LRP1B: variants seen among roughly 807,000 people sequenced by gnomAD.
The protein encoded by LRP1B is LDL receptor related protein 1B.
A neutral mutation model predicts 556.6 loss-of-function variants in LRP1B; 217 were observed. The ratio of observed to expected loss-of-function variants is 0.39; its 90% CI spans 0.35 to 0.44. LRP1B has a LOEUF of 0.44. LRP1B is among the 20% of genes least tolerant of loss of function. The pLI is 1.00. For missense variants in LRP1B, 5,053 were observed against 5,620.8 expected (o/e 0.90, Z 3.23); for synonymous variants, 2,047 against 1,865.8 (o/e 1.10, Z -2.50).
intron 1 of LRP1B, among the ~76,000 whole-genome samples, chr2:142,077,887 A>G (rs1705567022): frequency 6.6e-6 from 1 of 152,160 alleles, no homozygotes; most frequent in South Asian, 2.1e-4. Context: ...ATGTTTGCCC[A>G]AAGCCCCTTT....
chr2:141,888,946 A>T (rs1699203611), intron 1 of LRP1B, among the ~76,000 whole-genome samples: 1 of 152,164 alleles, frequency 6.6e-6, no homozygotes, highest in Admixed American at 6.6e-5. Context: ...GAACTTAAGC[A>T]TTTAACTGGA....
chr2:140,642,056 T>C (rs775188041), intron 41 of LRP1B, among the ~76,000 whole-genome samples: 8 of 151,808 alleles, frequency 5.3e-5, no homozygotes, highest in Non-Finnish European at 1.0e-4. Flanking sequence ...ACAAGGGAGG[T>C]GAGTGACCTG....
At chr2:141,554,531 A>G (rs1012581946) in intron 2 of LRP1B, among the ~76,000 whole-genome samples, 2 of 151,754 alleles carry the variant, frequency 1.3e-5, no homozygotes, top group Non-Finnish European at 1.5e-5. Context: ...ATAACTTTAT[A>G]CCACTCATAT....
Position 140,733,211 on chromosome 2 carries a change from T to G in LRP1B, c.5759-16395A>C, listed in dbSNP as rs559183884. Among the ~76,000 whole-genome samples, 179 of 152,242 alleles carry G rather than the reference T, an allele frequency of 1.2e-3. 1 individual carries two copies. The highest frequency in any genetic ancestry group is 4.2e-3 in the African/African-American group (174 of 41,576). Reference sequence around the variant, plus strand: ...CTGCAATCTTCCCTCCAACTTAAATTTAGTCAATGTATAGTACGAATAACC... The same window carrying G: ...CTGCAATCTTCCCTCCAACTTAAATGTAGTCAATGTATAGTACGAATAACC... On this transcript the variant is annotated intron_variant, in intron 35 of 90. Coordinates refer to ENST00000389484, the MANE Select transcript of LRP1B (RefSeq NM_018557.3).
chr2:141,924,143 T>C (rs962278760), intron 1 of LRP1B, among the ~76,000 whole-genome samples: 2 of 151,746 alleles, frequency 1.3e-5, no homozygotes, highest in Non-Finnish European at 2.9e-5. Context: ...CCCGTACCCA[T>C]ATAACCTCGA....
intron 1 of LRP1B, among the ~76,000 whole-genome samples, chr2:141,944,376 C>G (rs1003712379): frequency 6.6e-6 from 1 of 152,176 alleles, no homozygotes; most frequent in Non-Finnish European, 1.5e-5. Context: ...CTTGACAATA[C>G]TACCTTCCCT....
At chr2:140,452,724 C>G (rs1158543960) in intron 62 of LRP1B, among the ~76,000 whole-genome samples, 2 of 152,086 alleles carry the variant, frequency 1.3e-5, no homozygotes, top group African/African-American at 4.8e-5. Flanking sequence ...ATTTAGAATA[C>G]TGTTACTTTC....
chr2:141,800,583 T>TG (rs1390890529), intron 2 of LRP1B, among the ~76,000 whole-genome samples: 4 of 152,234 alleles, frequency 2.6e-5, no homozygotes, highest in Admixed American at 2.6e-4. Context: ...CCTGACACTC[T>TG]GCTCAGGGTT....
chr2:140,444,424 T>G lies in LRP1B; in HGVS notation c.10200A>C (p.Gln3400His). The change falls in exon 65 of 91, where the codon CAA becomes CAC. Residue 3400 changes from glutamine (Q) to histidine (H), a missense_variant. Gln to His is a conservative substitution (Grantham distance 24, BLOSUM62 0). Transcript: ENST00000389484. ...ATTTCTGGTTCTTGGTACATTTGAA[T>G]TGACCTGACAGGCAGACATGTGTGT... Reference protein sequence around the residue: ...NCDTHVCLSGQFKCTKNQKCI... With the variant: ...NCDTHVCLSGHFKCTKNQKCI... 6.2e-7 allele frequency: 1 copy of G among 1,613,966 alleles called. No homozygotes were observed. The highest frequency in any genetic ancestry group is 8.5e-7 in the Non-Finnish European group (1 of 1,179,918).
intron 88 of LRP1B, 82 bp from the exon 89 acceptor site, chr2:140,238,378 C>A: frequency 2.9e-6 from 2 of 688,394 alleles, no homozygotes; most frequent in Admixed American, 3.4e-5. Context: ...TATAGATTTA[C>A]TGACTTATTT....
At chr2:141,496,378 T>C (rs1368645934) in intron 2 of LRP1B, among the ~76,000 whole-genome samples, 1 of 152,196 alleles carries the variant, frequency 6.6e-6, no homozygotes, top group East Asian at 1.9e-4. Context: ...AATTCTGCAT[T>C]TCTAGAGGTT....
chr2:140,768,040 C>T (rs1335310751), intron 35 of LRP1B, among the ~76,000 whole-genome samples: 1 of 151,786 alleles, frequency 6.6e-6, no homozygotes, highest in Non-Finnish European at 1.5e-5. Context: ...GATCAAAAAC[C>T]ACACTGAGAT....
chr2:141,025,573 G>C (rs1049547643), intron 11 of LRP1B, among the ~76,000 whole-genome samples: 10 of 152,046 alleles, frequency 6.6e-5, no homozygotes, highest in Non-Finnish European at 1.2e-4. Context: ...AATAGATTGG[G>C]ATCCCCTGAG....
At chr2:140,872,177 C>A (rs915261410) in intron 25 of LRP1B, among the ~76,000 whole-genome samples, 1 of 150,330 alleles carries the variant, frequency 6.7e-6, no homozygotes, top group Non-Finnish European at 1.5e-5. Flanking sequence ...TTCTCTTTCA[C>A]CCCCTGCTGC....
chr2:140,579,817 G>A (rs2105132611), intron 43 of LRP1B, among the ~76,000 whole-genome samples: 1 of 152,240 alleles, frequency 6.6e-6, no homozygotes, highest in East Asian at 1.9e-4. Context: ...ACTCCAGCCT[G>A]GGCTACAGAG....
At chr2:141,887,740 C>G (rs1378705726) in intron 1 of LRP1B, among the ~76,000 whole-genome samples, 3 of 152,124 alleles carry the variant, frequency 2.0e-5, no homozygotes, top group Non-Finnish European at 4.4e-5. Flanking sequence ...AATTCTTGTC[C>G]ACAAATATCG....
chr2:140,285,634 TACTAAG>T (rs1683115321), intron 84 of LRP1B, among the ~76,000 whole-genome samples: 1 of 151,776 alleles, frequency 6.6e-6, no homozygotes, highest in Admixed American at 6.6e-5. Context: ...GTTCCCTCTG[TACTAAG>T]ACTTTCATAA....
chr2:140,629,703 T>G (rs571364043), intron 41 of LRP1B, among the ~76,000 whole-genome samples: 3 of 152,202 alleles, frequency 2.0e-5, no homozygotes, highest in Non-Finnish European at 4.4e-5. Flanking sequence ...TACAAACACA[T>G]GTAAAGCAAA....
intron 49 of LRP1B, among the ~76,000 whole-genome samples, chr2:140,518,104 C>A (rs983151722): frequency 6.6e-6 from 1 of 152,004 alleles, no homozygotes; most frequent in Non-Finnish European, 1.5e-5. Flanking sequence ...GGAAGTAAAC[C>A]CTAGTGTATA....
Sources: allele counts gnomAD v4.1 joint callset (sites outside exome capture counted in the v4.1 genomes callset), GRCh38; gene constraint gnomAD v4.1.1; transcripts MANE v1.5; gene names NCBI Gene and HGNC (gene_info 2026-07-23, HGNC 2026-07-21).